SHISA9: variants seen among roughly 807,000 people sequenced by gnomAD.
SHISA9 encodes the protein shisa family member 9, also known as protein shisa-9.
A neutral mutation model predicts 38.0 loss-of-function variants in SHISA9; 13 were observed. The observed-to-expected ratio is 0.34, with a 90% CI of 0.22 to 0.54. SHISA9 has a LOEUF of 0.54. SHISA9 is among the 20% of genes least tolerant of loss of function. The probability of loss-of-function intolerance (pLI) is 0.91; values close to 1 mark genes in which losing one functional copy is unlikely to be tolerated. For synonymous variants in SHISA9, 275 were observed against 242.0 expected (o/e 1.14, Z -1.27); for missense variants, 538 against 575.8 (o/e 0.93, Z 0.67).
At chr16:13,118,652 C>T (rs183866336) in intron 2 of SHISA9, among the ~76,000 whole-genome samples, 4 of 152,134 alleles carry the variant, frequency 2.6e-5, no homozygotes, top group Non-Finnish European at 4.4e-5. Flanking sequence ...CCGATGGTGA[C>T]CACACCTTGA....
the SHISA9 span, among the ~76,000 whole-genome samples, chr16:13,558,957 C>G: frequency 6.6e-6 from 1 of 152,084 alleles, no homozygotes; most frequent in African/African-American, 2.4e-5. Flanking sequence ...TAAATTTTAG[C>G]AAGTAAGCAA....
chr16:13,471,366 G>A, the SHISA9 span, among the ~76,000 whole-genome samples: 36 of 152,128 alleles, frequency 2.4e-4, no homozygotes, highest in African/African-American at 7.5e-4. Flanking sequence ...AAGCAAACTT[G>A]CAGTCTATGT....
the SHISA9 span, among the ~76,000 whole-genome samples, chr16:13,555,867 G>A: frequency 2.0e-5 from 3 of 152,210 alleles, no homozygotes; most frequent in Non-Finnish European, 4.4e-5. Context: ...GCCTGGGGAG[G>A]TAGGACTTTG....
chr16:13,409,163 G>A, the SHISA9 span, among the ~76,000 whole-genome samples: 1 of 152,138 alleles, frequency 6.6e-6, no homozygotes, highest in Admixed American at 6.6e-5. Context: ...GGTAGTCGGA[G>A]AGGAGTTCGG....
the SHISA9 span, among the ~76,000 whole-genome samples, chr16:13,499,822 A>C: frequency 2.0e-5 from 3 of 152,180 alleles, no homozygotes; most frequent in Non-Finnish European, 4.4e-5. Flanking sequence ...AATGATTCTC[A>C]GACCTTTTGT....
At chr16:13,103,958 C>A (rs549642524) in intron 2 of SHISA9, among the ~76,000 whole-genome samples, 12 of 152,252 alleles carry the variant, frequency 7.9e-5, no homozygotes, top group African/African-American at 2.4e-4. Context: ...CCAAAGCCAT[C>A]CTGCTTGGGC....
chr16:13,204,294 A>T (rs908433653), intron 3 of SHISA9, among the ~76,000 whole-genome samples: 2 of 151,926 alleles, frequency 1.3e-5, no homozygotes, highest in South Asian at 2.1e-4. Context: ...GTTTCTAAGG[A>T]CCAGAGACCC....
intron 2 of SHISA9, among the ~76,000 whole-genome samples, chr16:12,951,220 CCAAAAAAAAAAAAAAAA>C (rs1397030878): frequency 2.6e-5 from 2 of 77,686 alleles, no homozygotes; most frequent in Non-Finnish European, 2.3e-5. Context: ...GACTCCTTCT[CCAAAAAAAAAAAAAAAA>C]AAAAAAAAAA....
At chr16:13,328,675 G>A in the SHISA9 span, among the ~76,000 whole-genome samples, 2 of 151,104 alleles carry the variant, frequency 1.3e-5, no homozygotes, top group African/African-American at 4.9e-5. Flanking sequence ...ATTTTGCCAC[G>A]TTGGCCAGGC....
chr16:12,976,939 A>G (rs1271331768), intron 2 of SHISA9, among the ~76,000 whole-genome samples: 1 of 152,196 alleles, frequency 6.6e-6, no homozygotes, highest in African/African-American at 2.4e-5. Flanking sequence ...AATCAAAAGA[A>G]CATTGAGGGT....
At chr16:13,511,954 G>C in the SHISA9 span, among the ~76,000 whole-genome samples, 715 of 152,228 alleles carry the variant, frequency 4.7e-3, 3 homozygotes, top group Non-Finnish European at 7.1e-3. Flanking sequence ...GCCAGGAAAA[G>C]TTCCTATTCC....
the SHISA9 span, among the ~76,000 whole-genome samples, chr16:13,343,903 C>T: frequency 6.6e-6 from 1 of 152,038 alleles, no homozygotes; most frequent in Non-Finnish European, 1.5e-5. Flanking sequence ...AGAAAGTGTT[C>T]AGAAAAACAC....
intron 2 of SHISA9, among the ~76,000 whole-genome samples, chr16:13,027,636 C>G (rs920994313): frequency 2.0e-5 from 3 of 152,056 alleles, no homozygotes; most frequent in Admixed American, 6.6e-5. Flanking sequence ...TTGATTCACA[C>G]AAAACATGGC....
chr16:13,140,358 G>A (rs997849488), intron 2 of SHISA9, among the ~76,000 whole-genome samples: 151 of 151,870 alleles, frequency 9.9e-4, no homozygotes, highest in African/African-American at 3.6e-3. Context: ...TGTATTTTTA[G>A]TAGAGACAGG....
the SHISA9 span, among the ~76,000 whole-genome samples, chr16:13,518,619 G>A: frequency 6.6e-6 from 1 of 152,112 alleles, no homozygotes; most frequent in Non-Finnish European, 1.5e-5. Context: ...TGGGACTTCA[G>A]CTGCTTCTTC....
chr16:13,013,710 C>T (rs1402762029), intron 2 of SHISA9, among the ~76,000 whole-genome samples: 1 of 152,082 alleles, frequency 6.6e-6, no homozygotes, highest in African/African-American at 2.4e-5. Context: ...TTAATGTGGT[C>T]AAACAAGGCT....
the SHISA9 span, among the ~76,000 whole-genome samples, chr16:13,260,320 T>C: frequency 6.6e-6 from 1 of 152,006 alleles, no homozygotes; most frequent in South Asian, 2.1e-4. Context: ...CTGGCCGGGT[T>C]TTTCTTTTCT....
chr16:13,521,335 C>T, the SHISA9 span, among the ~76,000 whole-genome samples: 12 of 152,220 alleles, frequency 7.9e-5, no homozygotes, highest in African/African-American at 2.9e-4. Context: ...ATTCTCTCAT[C>T]CTCCCAAGGA....
intron 2 of SHISA9, among the ~76,000 whole-genome samples, chr16:13,083,985 C>G (rs1042427730): frequency 6.6e-6 from 1 of 151,992 alleles, no homozygotes; most frequent in Non-Finnish European, 1.5e-5. Flanking sequence ...GAACTGAAGT[C>G]GAGAGATCAG....
Sources: allele counts gnomAD v4.1 joint callset (sites outside exome capture counted in the v4.1 genomes callset), GRCh38; gene constraint gnomAD v4.1.1; transcripts MANE v1.5; gene names NCBI Gene and HGNC (gene_info 2026-07-23, HGNC 2026-07-21).